EIF4G3: variants seen among roughly 807,000 people sequenced by gnomAD.
EIF4G3 encodes the protein eIF-4-gamma 3.
A neutral mutation model predicts 186.4 loss-of-function variants in EIF4G3; 34 were observed. The observed-to-expected ratio is 0.18, with a 90% CI of 0.14 to 0.24. The LOEUF (loss-of-function observed/expected upper bound fraction) is 0.24, where lower values mean the gene tolerates loss of function less well. EIF4G3 is among the 10% of genes least tolerant of loss of function. The pLI is 1.00. For synonymous variants in EIF4G3, 673 were observed against 679.5 expected, an observed-to-expected ratio of 0.99 and a Z score of 0.15; for missense variants, 1,536 against 1,948.5, an observed-to-expected ratio of 0.79 and a Z score of 3.99.
At chr1:21,155,535 AT>A (rs1333359114) in intron 2 of EIF4G3, among the ~76,000 whole-genome samples, 1 of 152,016 alleles carries the variant, frequency 6.6e-6, no homozygotes, top group Non-Finnish European at 1.5e-5. Flanking sequence ...TGATTTACAT[AT>A]TTTTGAAGTT....
At chr1:20,831,611 CT>C (rs1214626702) in intron 30 of EIF4G3, among the ~76,000 whole-genome samples, 216 of 137,310 alleles carry the variant, frequency 1.6e-3, no homozygotes, top group Middle Eastern at 3.7e-3. Context: ...CTTACTTTTT[CT>C]TTTTTTTTTT....
At chr1:21,053,561 G>A (rs1273087587) in intron 3 of EIF4G3, among the ~76,000 whole-genome samples, 6 of 141,852 alleles carry the variant, frequency 4.2e-5, no homozygotes, top group East Asian at 2.2e-4. Context: ...TCAGCCCCCC[G>A]CCCGGCCAGC....
At chr1:20,843,862 T>C (rs1424287138) in intron 29 of EIF4G3, among the ~76,000 whole-genome samples, 1 of 152,212 alleles carries the variant, frequency 6.6e-6, no homozygotes, top group East Asian at 1.9e-4. Flanking sequence ...CGTGTCCATG[T>C]GTTCTCATCA....
intron 7 of EIF4G3, among the ~76,000 whole-genome samples, chr1:20,995,260 T>C (rs181187571): frequency 5.9e-5 from 9 of 152,312 alleles, no homozygotes; most frequent in South Asian, 4.1e-4. Context: ...AAACATAACC[T>C]TAAAGTTTCT....
chr1:21,037,179 T>A (rs979848253), intron 4 of EIF4G3, among the ~76,000 whole-genome samples: 4 of 151,770 alleles, frequency 2.6e-5, no homozygotes, highest in Admixed American at 2.6e-4. Context: ...TAAGTTAAGC[T>A]TGTACTGGTA....
chr1:21,091,705 C>T (rs2096208838), intron 2 of EIF4G3, among the ~76,000 whole-genome samples: 1 of 152,126 alleles, frequency 6.6e-6, no homozygotes, highest in African/African-American at 2.4e-5. Context: ...AGAGGTCCTT[C>T]ATATCCCTTG....
Position 20,807,383 on chromosome 1 carries a change from A to G in EIF4G3, c.4862T>C (p.Leu1621Pro), listed in dbSNP as rs746060850. 1 of 1,610,748 alleles carries G rather than the reference A, an allele frequency of 6.2e-7. No homozygotes were observed. The highest frequency in any genetic ancestry group is 8.5e-7 in the Non-Finnish European group (1 of 1,177,726). ...PAEQNGKGVALKSVTAFFTWL... is the reference protein window; with the variant it reads ...PAEQNGKGVAPKSVTAFFTWL... ...CGTGAAGAATGCCGTGACAGATTTCAGAGCCACGCCCTTCCCATTCTGCTC... is the reference window on the plus strand; with the variant it reads ...CGTGAAGAATGCCGTGACAGATTTCGGAGCCACGCCCTTCCCATTCTGCTC... The change falls in exon 37 of 37, where the codon CTG (leucine) becomes CCG (proline). Residue 1621 changes from leucine (L) to proline (P), a missense_variant. Physicochemically the swap from Leu to Pro is moderately conservative, Grantham distance 98. Around this residue, in one of 11 missense-constraint regions of EIF4G3, gnomAD observed 45 missense variants for 99.1 expected, o/e 0.45. Transcript: ENST00000602326.
Position 20,851,364 on chromosome 1 carries a change from T to C in EIF4G3, c.3666A>G (p.Gln1222=). 6.2e-7 allele frequency: 1 copy of C among 1,614,182 alleles called. No individual in the cohort carries two copies. Among genetic ancestry groups the C allele is most frequent in the Non-Finnish European group, 8.5e-7 (1 of 1,180,026 alleles). Residue 1222 remains glutamine (Q), a synonymous_variant, in exon 28 of 37, where the codon CAA becomes CAG. Transcript: ENST00000602326. The stretch of plus-strand genomic sequence containing the variant: ...CCAGCATCTCTCTCCGCTGCTCTTC[T>C]TGAGACTGATTGTCTAGCAGGTCTT... ...SSKDLLDNQS[Q]EEQRREMLET...
chr1:20,854,316 A>G (rs532192182), intron 26 of EIF4G3, among the ~76,000 whole-genome samples: 7 of 152,278 alleles, frequency 4.6e-5, no homozygotes, highest in African/African-American at 1.7e-4. Context: ...TTATCAGCAT[A>G]ATGAGTTTCC....
intron 2 of EIF4G3, among the ~76,000 whole-genome samples, chr1:21,170,154 C>T (rs566630782): frequency 2.0e-5 from 3 of 151,206 alleles, no homozygotes; most frequent in African/African-American, 4.8e-5. Context: ...CCAGCCAGGG[C>T]GACAAGAGTG....
intron 2 of EIF4G3, among the ~76,000 whole-genome samples, chr1:21,134,013 C>T (rs1042260215): frequency 6.6e-6 from 1 of 152,158 alleles, no homozygotes; most frequent in Non-Finnish European, 1.5e-5. Flanking sequence ...TATGCTTACG[C>T]CTAAATATAG....
chr1:20,994,307 G>A (rs1040150721), intron 7 of EIF4G3, among the ~76,000 whole-genome samples: 5 of 152,156 alleles, frequency 3.3e-5, no homozygotes, highest in Middle Eastern at 3.4e-3. Context: ...ACATAATGCC[G>A]GTTCAGTTAG....
At chr1:20,943,445 T>G (rs2095798819) in intron 13 of EIF4G3, among the ~76,000 whole-genome samples, 1 of 152,170 alleles carries the variant, frequency 6.6e-6, no homozygotes, top group Non-Finnish European at 1.5e-5. Flanking sequence ...TTTCCACATT[T>G]TTATTAATAA....
intron 6 of EIF4G3, among the ~76,000 whole-genome samples, chr1:20,999,973 T>C (rs756640134): frequency 6.6e-6 from 1 of 152,110 alleles, no homozygotes; most frequent in Non-Finnish European, 1.5e-5. Flanking sequence ...CTGGGCACAG[T>C]TGGTAACTGA....
chr1:21,176,231 T>TGCCGCC lies in EIF4G3; in HGVS notation c.-334_-329dup, dbSNP rs34197724. 13,813 of 344,118 alleles carry TGCCGCC rather than the reference T, an allele frequency of 0.04. 395 individuals carry two copies. The highest frequency in any genetic ancestry group is 0.048 in the Non-Finnish European group (9,449 of 196,752). 21.3% of individuals were successfully genotyped at this position (344,118 alleles called of 1,614,324 possible). On this transcript the variant is annotated 5_prime_UTR_variant, in exon 2 of 37. Transcript: ENST00000602326. The stretch of plus-strand genomic sequence containing the variant: ...TGTTCGGGTGAGGAGGGGGGACCGC[T>TGCCGCC]GCCGCCGCCGCCGCCGCCGCCGCCG...
chr1:20,889,504 T>A (rs564294911), intron 18 of EIF4G3, among the ~76,000 whole-genome samples: 2 of 152,354 alleles, frequency 1.3e-5, no homozygotes, highest in African/African-American at 2.4e-5. Flanking sequence ...TATTTATTTT[T>A]TTTATTTTTT....
At chr1:21,027,168 A>AT (rs1437503242) in intron 4 of EIF4G3, among the ~76,000 whole-genome samples, 2 of 151,102 alleles carry the variant, frequency 1.3e-5, no homozygotes, top group Non-Finnish European at 2.9e-5. Flanking sequence ...TGGCTAGTAT[A>AT]TATATGTGTA....
intron 14 of EIF4G3, among the ~76,000 whole-genome samples, chr1:20,914,461 C>A (rs2093639255): frequency 6.6e-6 from 1 of 152,072 alleles, no homozygotes; most frequent in Admixed American, 6.6e-5. Context: ...TGTAAGCAGT[C>A]TCTAACAGAT....
chr1:20,920,732 C>G (rs2094425885), intron 14 of EIF4G3, among the ~76,000 whole-genome samples: 2 of 152,128 alleles, frequency 1.3e-5, no homozygotes, highest in African/African-American at 4.8e-5. Flanking sequence ...AAAACTTCCA[C>G]CGAGAGCTTG....
Sources: gnomAD v4.1 joint callset for allele counts (sites outside exome capture counted in the v4.1 genomes callset) on GRCh38, gnomAD v4.1.1 for gene constraint, gnomAD v4.1.1 regional missense constraint, MANE v1.5 for transcripts, NCBI Gene and HGNC (gene_info 2026-07-23, HGNC 2026-07-21) for gene names.